Variants in TTC39B observed in about 807,000 individuals in gnomAD.
The protein encoded by TTC39B is tetratricopeptide repeat domain 39B, also known as tetratricopeptide repeat protein 39B.
In TTC39B, 92 loss-of-function variants were observed where a neutral mutation model predicts 96.6. That is an observed-to-expected ratio of 0.95 (90% CI 0.80 to 1.13). The LOEUF (loss-of-function observed/expected upper bound fraction) is 1.13, where lower values mean the gene tolerates loss of function less well. Ranked by LOEUF, TTC39B falls within the 50% of genes most tolerant of loss-of-function variation. The pLI is 0.00. For synonymous variants in TTC39B, 367 were observed against 299.4 expected, an observed-to-expected ratio of 1.23 and a Z score of -2.33; for missense variants, 955 against 809.3, an observed-to-expected ratio of 1.18 and a Z score of -2.18.
At chr9:15,265,905 G>A (rs1823113075) in intron 2 of TTC39B, among the ~76,000 whole-genome samples, 1 of 152,156 alleles carries the variant, frequency 6.6e-6, no homozygotes, top group South Asian at 2.1e-4. Context: ...CCTCAAAACT[G>A]TCAAGGTCAC....
chr9:15,234,319 C>G (rs545434435), intron 2 of TTC39B, among the ~76,000 whole-genome samples: 5 of 149,420 alleles, frequency 3.3e-5, no homozygotes, highest in African/African-American at 1.2e-4. Context: ...GGGGGGTCAG[C>G]CCCCCGCCCA....
chr9:15,239,344 G>T (rs1447317056), intron 2 of TTC39B, among the ~76,000 whole-genome samples: 1 of 152,212 alleles, frequency 6.6e-6, no homozygotes, highest in Non-Finnish European at 1.5e-5. Flanking sequence ...AACCTCTATG[G>T]AAAACAGTAT....
rs767425148 is a variant in TTC39B at position 15,190,704 on chromosome 9, G to A, written c.997-42C>T. The A allele has an allele frequency of 2.7e-6, 4 of 1,502,404 alleles. No homozygotes were observed. In the Admixed American group the frequency reaches 6.8e-5, roughly 26 times the overall value. 93.1% of individuals were successfully genotyped at this position (1,502,404 alleles called of 1,614,324 possible). ...CATTTTTAGAAAGAGAACAAGACTG[G>A]AAAATCATATTCAGAAACTTTTTAA... On this transcript the variant is annotated intron_variant, in intron 10 of 19. Coordinates refer to ENST00000512701, the Ensembl canonical transcript of TTC39B.
chr9:15,254,077 C>G (rs1822662051), intron 2 of TTC39B, among the ~76,000 whole-genome samples: 2 of 151,892 alleles, frequency 1.3e-5, no homozygotes, highest in Admixed American at 6.6e-5. Flanking sequence ...AGTCTGTCCC[C>G]TTAAAATAGC....
intron 1 of TTC39B, among the ~76,000 whole-genome samples, chr9:15,275,395 T>A (rs1286211190): frequency 6.6e-6 from 1 of 152,150 alleles, no homozygotes; most frequent in East Asian, 1.9e-4. Context: ...GTTGATGAAG[T>A]AAGGTTCTAT....
intron 15 of TTC39B, 63 bp downstream of exon 15, chr9:15,186,881 G>A (rs1370051909): frequency 6.9e-7 from 1 of 1,440,358 alleles, no homozygotes; most frequent in Non-Finnish European, 9.7e-7. Flanking sequence ...ATTTTCAGTA[G>A]AGATGAGATT....
chr9:15,184,908 T>G (rs1282250977), intron 16 of TTC39B, among the ~76,000 whole-genome samples: 1 of 152,214 alleles, frequency 6.6e-6, no homozygotes, highest in South Asian at 2.1e-4. Flanking sequence ...AATGTGGCTA[T>G]TAGAAAAGGT....
chr9:15,195,299 G>T (rs1380215113), intron 8 of TTC39B, among the ~76,000 whole-genome samples: 4 of 152,130 alleles, frequency 2.6e-5, no homozygotes, highest in Admixed American at 6.5e-5. Context: ...GCTGAGAGAG[G>T]TGAGGAAGCT....
At chr9:15,221,592 C>T (rs767501122) in intron 3 of TTC39B, among the ~76,000 whole-genome samples, 15 of 152,286 alleles carry the variant, frequency 9.8e-5, no homozygotes, top group Admixed American at 9.2e-4. Context: ...GGCATCAGAA[C>T]TGAGGCCTTG....
At chr9:15,177,750 C>G (rs377291867) in exon 18 of TTC39B, 2 of 1,613,410 alleles carry the variant, frequency 1.2e-6, no homozygotes. Flanking sequence ...GCTGTAAGTT[C>G]TTGAGGCAAC....
chr9:15,222,151 C>T (rs1160905091), intron 3 of TTC39B, among the ~76,000 whole-genome samples: 1 of 152,126 alleles, frequency 6.6e-6, no homozygotes, highest in Non-Finnish European at 1.5e-5. Flanking sequence ...GGGATCGTTC[C>T]AAGAGGGAAT....
intron 2 of TTC39B, among the ~76,000 whole-genome samples, chr9:15,252,062 T>C (rs1397118328): frequency 6.6e-6 from 1 of 152,066 alleles, no homozygotes; most frequent in African/African-American, 2.4e-5. Context: ...AAGAAAACTA[T>C]AGATTCTTTA....
chr9:15,164,646 G>T (rs1817485662), exon 20 of TTC39B: 1 of 152,102 alleles, frequency 6.6e-6, no homozygotes, highest in Non-Finnish European at 1.5e-5. Flanking sequence ...AAAAATGCAA[G>T]TGTTCTGTGA....
intron 1 of TTC39B, among the ~76,000 whole-genome samples, chr9:15,300,104 A>G (rs905091733): frequency 1.3e-5 from 2 of 152,172 alleles, no homozygotes; most frequent in African/African-American, 4.8e-5. Context: ...CAATTTACAA[A>G]CACCCTTTCT....
At chr9:15,208,115 C>T (rs947308746) in intron 6 of TTC39B, among the ~76,000 whole-genome samples, 1 of 151,492 alleles carries the variant, frequency 6.6e-6, no homozygotes, top group Non-Finnish European at 1.5e-5. Flanking sequence ...CTGCAACCTC[C>T]ACCTCCTGGG....
intron 2 of TTC39B, among the ~76,000 whole-genome samples, chr9:15,237,818 G>C (rs1364587461): frequency 6.6e-6 from 1 of 152,044 alleles, no homozygotes; most frequent in Non-Finnish European, 1.5e-5. Context: ...ACTAAAATCA[G>C]ACAAGGACAC....
chr9:15,279,321 G>A (rs527271729), intron 1 of TTC39B, among the ~76,000 whole-genome samples: 5 of 152,160 alleles, frequency 3.3e-5, no homozygotes, highest in Middle Eastern at 3.2e-3. Flanking sequence ...GTCTCAAAAA[G>A]AGAACACAGA....
intron 2 of TTC39B, chr9:15,249,952 T>C: frequency 5.4e-6 from 7 of 1,287,838 alleles, no homozygotes; most frequent in Non-Finnish European, 7.1e-6. Flanking sequence ...GAGGAATGAA[T>C]ATAGTCCCAC....
At chr9:15,177,872 T>C (rs1818031938) in intron 17 of TTC39B, 58 bp from the exon 18 acceptor site, 6 of 861,556 alleles carry the variant, frequency 7.0e-6, no homozygotes, top group Non-Finnish European at 8.0e-6. Context: ...TTAAGATCTT[T>C]TTTTTTTTTT....
Sources: gnomAD v4.1 joint callset for allele counts (sites outside exome capture counted in the v4.1 genomes callset) on GRCh38, gnomAD v4.1.1 for gene constraint, MANE v1.5 for transcripts, NCBI Gene and HGNC (gene_info 2026-07-23, HGNC 2026-07-21) for gene names.